Variants in AGBL4 observed in about 807,000 individuals in gnomAD.
AGBL4 encodes the protein cytosolic carboxypeptidase 6.
AGBL4 carries 58 observed loss-of-function variants against 66.4 expected under a neutral mutation model. That is an observed-to-expected ratio of 0.87 (90% CI 0.71 to 1.09). The LOEUF is 1.09. Among genes scored for constraint, AGBL4 ranks in the 50% least tolerant of loss-of-function variants. AGBL4 has a pLI of 0.00. For synonymous variants in AGBL4, 234 were observed against 222.9 expected (o/e 1.05, Z -0.44); for missense variants, 579 against 631.0 (o/e 0.92, Z 0.88).
At chr1:49,838,469 C>G (rs776691371) in intron 2 of AGBL4, among the ~76,000 whole-genome samples, 4 of 152,272 alleles carry the variant, frequency 2.6e-5, no homozygotes, top group Non-Finnish European at 4.4e-5. Flanking sequence ...CACTACAGAG[C>G]AAAGGTGGAA....
At chr1:49,005,717 T>C (rs1661736059) in intron 5 of AGBL4, among the ~76,000 whole-genome samples, 1 of 152,178 alleles carries the variant, frequency 6.6e-6, no homozygotes, top group African/African-American at 2.4e-5. Context: ...GTTTCAGACA[T>C]TCACTGAGGG....
intron 2 of AGBL4, among the ~76,000 whole-genome samples, chr1:49,848,233 C>T (rs2148056267): frequency 6.6e-6 from 1 of 152,244 alleles, no homozygotes; most frequent in Middle Eastern, 3.4e-3. Flanking sequence ...AAAAATAGAA[C>T]TACCATTCAA....
rs558494053 is a variant in AGBL4 at position 49,381,762 on chromosome 1, G to C, written c.283-135898C>G. ...ATCGCAAGGACAAAAAACCAAACAC[G>C]GTATATTCTCACTCATAGGTGGGAA... is the stretch of plus-strand genomic sequence containing the variant. On this transcript the variant is annotated intron_variant, in intron 3 of 13. Coordinates refer to ENST00000371839, the MANE Select transcript of AGBL4 (RefSeq NM_032785.4). 1.3e-4 allele frequency among the ~76,000 whole-genome samples: 20 copies of C among 148,712 alleles called. No homozygotes were observed. The East Asian group carries it at 3.5e-3, about 26-fold the overall frequency.
intron 6 of AGBL4, among the ~76,000 whole-genome samples, chr1:48,754,556 G>T (rs974833319): frequency 6.6e-6 from 1 of 152,074 alleles, no homozygotes; most frequent in African/African-American, 2.4e-5. Flanking sequence ...TACTTATTTG[G>T]GGGAGGAGGG....
intron 4 of AGBL4, among the ~76,000 whole-genome samples, chr1:49,082,414 T>C (rs1030829605): frequency 6.6e-6 from 1 of 152,176 alleles, no homozygotes; most frequent in Non-Finnish European, 1.5e-5. Flanking sequence ...CCGTTCCACA[T>C]GGCTGGGAAG....
chr1:49,824,648 T>C (rs866309808), intron 2 of AGBL4, among the ~76,000 whole-genome samples: 2 of 152,136 alleles, frequency 1.3e-5, no homozygotes, highest in South Asian at 2.1e-4. Flanking sequence ...TAAATGCAAA[T>C]AAGCCAGAGA....
At chr1:49,779,228 G>A (rs1200001282) in intron 2 of AGBL4, among the ~76,000 whole-genome samples, 1 of 152,200 alleles carries the variant, frequency 6.6e-6, no homozygotes, top group Non-Finnish European at 1.5e-5. Context: ...AGTATTTGAA[G>A]AAATGCTAGC....
chr1:49,576,347 G>C (rs1644436124), intron 3 of AGBL4, among the ~76,000 whole-genome samples: 1 of 152,218 alleles, frequency 6.6e-6, no homozygotes, highest in African/African-American at 2.4e-5. Context: ...ATATGACCCA[G>C]CAGATCCAAT....
intron 3 of AGBL4, among the ~76,000 whole-genome samples, chr1:49,539,302 A>T (rs1038058188): frequency 7.9e-5 from 12 of 152,206 alleles, no homozygotes; most frequent in African/African-American, 2.7e-4. Flanking sequence ...GTTTTTACTT[A>T]TCTGTATTTC....
At chr1:49,252,879 G>C (rs147737903) in intron 3 of AGBL4, among the ~76,000 whole-genome samples, 5 of 152,248 alleles carry the variant, frequency 3.3e-5, no homozygotes, top group East Asian at 1.9e-4. Flanking sequence ...GGTACTACCA[G>C]ACCTGCCTTA....
rs1404084415 is a variant in AGBL4, at chr1:49,045,586, C to T, written c.592G>A (p.Val198Met). The change falls in exon 5 of 14, where the codon GTG (valine) becomes ATG (methionine). Residue 198 changes from valine to methionine, a missense_variant and splice_region_variant. By Grantham distance (21) the Val-to-Met change is conservative. Coordinates refer to ENST00000371839, the MANE Select transcript of AGBL4 (RefSeq NM_032785.4). ...CCCAAACCTGGCACAGGCCTTACCA[C>T]ACTCTGGCCCAGCTGCTCCCGAAAG... ...YFFREQLGQS[V>M]QQRKLDLLTI... is the part of the protein sequence containing the mutation. The T allele has an allele frequency of 3.2e-5, 51 of 1,603,828 alleles. No homozygotes were observed. The highest frequency in any genetic ancestry group is 4.2e-5 in the Non-Finnish European group (49 of 1,174,944).
At chr1:49,209,856 G>A (rs991226095) in intron 4 of AGBL4, among the ~76,000 whole-genome samples, 1 of 152,008 alleles carries the variant, frequency 6.6e-6, no homozygotes, top group African/African-American at 2.4e-5. Flanking sequence ...ACAAATTAAA[G>A]GTAGGGAAAC....
intron 1 of AGBL4, among the ~76,000 whole-genome samples, chr1:49,932,517 A>C (rs1653474056): frequency 6.6e-6 from 1 of 152,284 alleles, no homozygotes; most frequent in Middle Eastern, 3.4e-3. Flanking sequence ...GACTTAATCA[A>C]AATTAGGAAC....
chr1:48,686,744 T>G (rs1226527672), intron 6 of AGBL4, among the ~76,000 whole-genome samples: 1 of 152,174 alleles, frequency 6.6e-6, no homozygotes, highest in African/African-American at 2.4e-5. Flanking sequence ...ATGGATCAGT[T>G]GCTTGATCTT....
intron 3 of AGBL4, among the ~76,000 whole-genome samples, chr1:49,312,883 T>C (rs966580631): frequency 7.9e-5 from 12 of 152,102 alleles, no homozygotes; most frequent in Non-Finnish European, 1.5e-5. Context: ...TTTTCTTTTT[T>C]TACATACTTT....
At chr1:49,398,402 T>C (rs956902684) in intron 3 of AGBL4, among the ~76,000 whole-genome samples, 15 of 151,368 alleles carry the variant, frequency 9.9e-5, no homozygotes, top group African/African-American at 3.6e-4. Context: ...CTCTAGGACT[T>C]ACAGCAGCAT....
At chr1:49,479,342 G>A (rs1570817640) in intron 3 of AGBL4, among the ~76,000 whole-genome samples, 1 of 151,636 alleles carries the variant, frequency 6.6e-6, no homozygotes, top group African/African-American at 2.4e-5. Context: ...CAGTATGTGC[G>A]GGTATGTTAC....
At chr1:49,562,628 G>T (rs534505980) in intron 3 of AGBL4, among the ~76,000 whole-genome samples, 1 of 152,116 alleles carries the variant, frequency 6.6e-6, no homozygotes, top group East Asian at 1.9e-4. Context: ...TAGATATATG[G>T]CATTATTTCT....
At chr1:48,759,212 G>C (rs1321321848) in intron 6 of AGBL4, 1 of 1,606,708 alleles carries the variant, frequency 6.2e-7, no homozygotes, top group Non-Finnish European at 8.5e-7. Flanking sequence ...AGGCCGTTCT[G>C]CTTCTCTAGC....
Sources: gnomAD v4.1 joint callset for allele counts (sites outside exome capture counted in the v4.1 genomes callset) on GRCh38, gnomAD v4.1.1 for gene constraint, MANE v1.5 for transcripts, NCBI Gene and HGNC (gene_info 2026-07-23, HGNC 2026-07-21) for gene names.